SCAF11: variants seen among roughly 807,000 people sequenced by gnomAD.
The protein encoded by SCAF11 is protein SCAF11.
In SCAF11, 47 loss-of-function variants were observed where a neutral mutation model predicts 140.5. The observed-to-expected ratio is 0.33, with a 90% CI of 0.26 to 0.43. The LOEUF (loss-of-function observed/expected upper bound fraction) is 0.43, where lower values mean the gene tolerates loss of function less well. Among genes scored for constraint, SCAF11 ranks in the 20% least tolerant of loss-of-function variants. SCAF11 has a pLI of 1.00. For missense variants in SCAF11, 1,645 were observed against 1,705.1 expected (o/e 0.96, Z 0.62); for synonymous variants, 557 against 579.4 (o/e 0.96, Z 0.55).
At chr12:45,929,227 C>T (rs529081882) in intron 10 of SCAF11, 5 of 155,904 alleles carry the variant, frequency 3.2e-5, no homozygotes, top group East Asian at 1.9e-4. Flanking sequence ...GAGCAATCAT[C>T]GCGCACAGAA....
intron 1 of SCAF11, among the ~76,000 whole-genome samples, chr12:45,986,283 C>T (rs529650324): frequency 6.6e-6 from 1 of 152,236 alleles, no homozygotes; most frequent in Non-Finnish European, 1.5e-5. Flanking sequence ...ATGTTAAAAC[C>T]AAAAGAGCTC....
chr12:45,934,426 T>A, intron 7 of SCAF11, 21 bp downstream of exon 7: 1 of 1,567,274 alleles, frequency 6.4e-7, no homozygotes, highest in South Asian at 1.2e-5. Context: ...AAGAAAAAGA[T>A]TTTTCTTGGT....
At chr12:45,956,874 A>C (rs994448837) in intron 3 of SCAF11, among the ~76,000 whole-genome samples, 17 of 152,188 alleles carry the variant, frequency 1.1e-4, no homozygotes, top group African/African-American at 4.1e-4. Flanking sequence ...ATTCTTTTAG[A>C]TATATGCTTT....
At chr12:45,950,076 G>A (rs1244098747) in intron 4 of SCAF11, among the ~76,000 whole-genome samples, 2 of 152,090 alleles carry the variant, frequency 1.3e-5, no homozygotes, top group African/African-American at 2.4e-5. Context: ...CACAAGAGAA[G>A]GATGTTTTAG....
At chr12:45,936,454 G>T (rs1945175682) in intron 6 of SCAF11, among the ~76,000 whole-genome samples, 1 of 151,808 alleles carries the variant, frequency 6.6e-6, no homozygotes, top group Admixed American at 6.6e-5. Context: ...CTTCATTCAG[G>T]TATTTTCCTA....
At chr12:45,963,516 A>C (rs1490991203) in intron 2 of SCAF11, among the ~76,000 whole-genome samples, 2 of 152,180 alleles carry the variant, frequency 1.3e-5, no homozygotes, top group Non-Finnish European at 2.9e-5. Flanking sequence ...GAATAGTTTT[A>C]AAGTGGATAA....
At chr12:45,957,153 GTACATT>G (rs1350608933) in intron 3 of SCAF11, among the ~76,000 whole-genome samples, 2 of 152,106 alleles carry the variant, frequency 1.3e-5, no homozygotes, top group African/African-American at 4.8e-5. Flanking sequence ...TACTACACAG[GTACATT>G]TACATTACCG....
At chr12:45,963,121 G>A (rs1007799582) in intron 2 of SCAF11, among the ~76,000 whole-genome samples, 1 of 152,154 alleles carries the variant, frequency 6.6e-6, no homozygotes, top group African/African-American at 2.4e-5. Context: ...CATAGCCTGT[G>A]AAACAGGTTA....
intron 1 of SCAF11, among the ~76,000 whole-genome samples, chr12:45,968,348 A>AC (rs748568991): frequency 2.6e-5 from 4 of 152,070 alleles, no homozygotes; most frequent in Non-Finnish European, 5.9e-5. Context: ...TTAGTCTGTG[A>AC]CCCCTAATAT....
At chr12:45,983,742 AACACACACACACACACAC>A (rs55655357) in intron 1 of SCAF11, among the ~76,000 whole-genome samples, 3 of 133,904 alleles carry the variant, frequency 2.2e-5, no homozygotes, top group South Asian at 5.2e-4. Context: ...CTAAACCTAA[AACACACACACACACACAC>A]ACACACACAC....
upstream of SCAF11, among the ~76,000 whole-genome samples, chr12:45,991,022 G>A (rs150115725): frequency 4.0e-4 from 61 of 152,370 alleles, no homozygotes; most frequent in African/African-American, 1.4e-3. Context: ...AGGATTTTGC[G>A]CAGGGTGTGC....
chr12:45,949,191 TAAAA>T (rs1013242729), intron 4 of SCAF11, among the ~76,000 whole-genome samples: 2 of 152,216 alleles, frequency 1.3e-5, no homozygotes, highest in Non-Finnish European at 2.9e-5. Flanking sequence ...AACTAGATCT[TAAAA>T]GAAAGCTCTT....
Position 45,926,826 on chromosome 12 carries a change from T to C in SCAF11, c.2875A>G (p.Arg959Gly). Residue 959 changes from arginine (R) to glycine (G), a missense_variant, in exon 11 of 15, where the codon AGA becomes GGA. Arg to Gly is a moderately radical substitution (Grantham distance 125). Coordinates refer to ENST00000369367, the MANE Select transcript of SCAF11 (RefSeq NM_004719.3). ...SKSSSFGRIDRDSYSPRWKGR... is the reference protein window; with the variant it reads ...SKSSSFGRIDGDSYSPRWKGR... The stretch of plus-strand genomic sequence containing the variant: ...TTCCACCGGGGAGAGTAACTATCTC[T>C]GTCAATTCTACCAAATGATGAACTC... 1 of 1,614,204 alleles carries C rather than the reference T, an allele frequency of 6.2e-7. No homozygotes were observed. Among genetic ancestry groups the C allele is most frequent in the Non-Finnish European group, 8.5e-7 (1 of 1,180,026 alleles).
intron 1 of SCAF11, among the ~76,000 whole-genome samples, chr12:45,965,122 C>T (rs1945914911): frequency 6.6e-6 from 1 of 152,024 alleles, no homozygotes; most frequent in Admixed American, 6.5e-5. Context: ...TGACTGAGAA[C>T]CTTAGATTCA....
rs903668291 is a variant in SCAF11, at chr12:45,987,462, C to A, written c.-22+2891G>T. Reference sequence around the variant, plus strand: ...CAGGTGTTTAGGTGACAAATACTGACAAATGCTGATCTCACAGAAGATAAA... The same window carrying A: ...CAGGTGTTTAGGTGACAAATACTGAAAAATGCTGATCTCACAGAAGATAAA... On this transcript the variant is annotated intron_variant, in intron 1 of 14. Transcript: ENST00000369367. Among the ~76,000 whole-genome samples the A allele has an allele frequency of 5.6e-4, 85 of 152,284 alleles. 1 individual carries two copies. Among genetic ancestry groups the A allele is most frequent in the African/African-American group, 2.0e-3 (83 of 41,550 alleles).
chr12:45,945,347 G>C (rs1945396317), intron 5 of SCAF11, 34 bp from the exon 6 acceptor site: 1 of 1,230,896 alleles, frequency 8.1e-7, no homozygotes, highest in African/African-American at 1.5e-5. Flanking sequence ...AAAGAATTAA[G>C]AAAAAAACTG....
intron 6 of SCAF11, among the ~76,000 whole-genome samples, chr12:45,944,297 C>T (rs10880870): frequency 0.032 from 4,834 of 152,224 alleles, 169 homozygotes; most frequent in East Asian, 0.18. Flanking sequence ...CCACAGAAGT[C>T]CAGAGATCAA....
rs1290743322 is a variant in SCAF11 at position 45,921,375 on chromosome 12, T to C, written c.*673A>G. ...GTAATCTAGTAAGTCAAACTGCTTA[T>C]CTCAATTAGGGGTAAACAAAGGCAC... On this transcript the variant is annotated 3_prime_UTR_variant, in exon 15 of 15. Transcript: ENST00000369367. The C allele has an allele frequency of 6.6e-6, 1 of 152,644 alleles. No individual in the cohort carries two copies. Among genetic ancestry groups the C allele is most frequent in the Non-Finnish European group, 1.5e-5 (1 of 68,044 alleles). The allele number at this position is 152,644 out of a possible 1,614,324, so 9.5% of individuals were successfully genotyped here.
chr12:45,966,616 C>A (rs1038520013), intron 1 of SCAF11, among the ~76,000 whole-genome samples: 5 of 151,882 alleles, frequency 3.3e-5, no homozygotes, highest in African/African-American at 9.7e-5. Context: ...TTTGAACTGG[C>A]AATCAGAAAG....
Sources: allele counts gnomAD v4.1 joint callset (sites outside exome capture counted in the v4.1 genomes callset), GRCh38; gene constraint gnomAD v4.1.1; transcripts MANE v1.5; gene names NCBI Gene and HGNC (gene_info 2026-07-23, HGNC 2026-07-21).